The following DOCK9 variants were observed in gnomAD, a reference collection of about 807,000 sequenced individuals.
DOCK9 encodes dedicator of cytokinesis 9, also known as dedicator of cytokinesis protein 9.
Under a neutral mutation model 263.3 loss-of-function variants are expected in DOCK9, and 89 were observed. That is an observed-to-expected ratio of 0.34 (90% confidence interval 0.28 to 0.40). The LOEUF is 0.40. DOCK9 is among the 10% of genes least tolerant of loss of function. The pLI is 1.00. For synonymous variants in DOCK9, 976 were observed against 973.1 expected, an observed-to-expected ratio of 1.00 and a Z score of -0.06; for missense variants, 2,140 against 2,603.4, an observed-to-expected ratio of 0.82 and a Z score of 3.87.
chr13:98,871,488 T>A (rs2094184363), intron 27 of DOCK9, among the ~76,000 whole-genome samples: 1 of 152,070 alleles, frequency 6.6e-6, no homozygotes, highest in Non-Finnish European at 1.5e-5. Flanking sequence ...TTGTTAAGAG[T>A]CCTAATTGTC....
At chr13:98,973,754 C>T (rs150558324) in intron 1 of DOCK9, among the ~76,000 whole-genome samples, 341 of 152,202 alleles carry the variant, frequency 2.2e-3, no homozygotes, top group African/African-American at 7.5e-3. Context: ...CATGCCACCT[C>T]GTCTGGCTAA....
chr13:98,808,605 A>G, intron 47 of DOCK9: 2 of 1,463,704 alleles, frequency 1.4e-6, no homozygotes, highest in Non-Finnish European at 1.9e-6. Flanking sequence ...TAATTTCACT[A>G]TATTACTTGC....
Position 98,902,325 on chromosome 13 carries a change from C to G in DOCK9, c.1343G>C (p.Gly448Ala). 1 of 1,613,950 alleles carries G rather than the reference C, an allele frequency of 6.2e-7. No homozygotes were observed. Among genetic ancestry groups the G allele is most frequent in the Non-Finnish European group, 8.5e-7 (1 of 1,179,888 alleles). ...CTGCATGGCGGCTTCATGAAGGATG[C>G]CCTTGAGGACAGATGGGCTCTGCCC... is the stretch of plus-strand genomic sequence containing the variant. ...GSGQSPSVLK[G>A]ILHEAAMQYP... is the part of the protein sequence containing the mutation. Residue 448 changes from glycine to alanine, a missense_variant, in exon 12 of 53, where the codon GGC (glycine) becomes GCC (alanine). Gly to Ala is a moderately conservative substitution (Grantham distance 60). Coordinates refer to ENST00000682017, the MANE Select transcript of DOCK9 (RefSeq NM_001366683.2).
rs947406336 is a variant in DOCK9, at chr13:98,882,970, T to C, written c.2559+72A>G. Reference sequence around the variant, plus strand: ...AGCTTCCAAGGGGTGAGAACACCACTCACCACCAAAGAGAAAACCCAACCT... The same window carrying C: ...AGCTTCCAAGGGGTGAGAACACCACCCACCACCAAAGAGAAAACCCAACCT... On this transcript the variant is annotated intron_variant, in intron 23 of 52. Coordinates refer to ENST00000682017, the MANE Select transcript of DOCK9 (RefSeq NM_001366683.2). 2.0e-5 allele frequency: 26 copies of C among 1,299,490 alleles called. No homozygotes were observed. The Admixed American group carries it at 3.3e-4, about 16-fold the overall frequency. The allele number at this position is 1,299,490 out of a possible 1,614,324, so 80.5% of individuals were successfully genotyped here.
At chr13:98,801,330 A>C (rs1243910862) in intron 49 of DOCK9, among the ~76,000 whole-genome samples, 2 of 152,186 alleles carry the variant, frequency 1.3e-5, no homozygotes, top group Non-Finnish European at 2.9e-5. Context: ...AACCAAAAAA[A>C]CACAAAGAAT....
At chr13:98,969,171 T>C (rs891865237) in intron 1 of DOCK9, among the ~76,000 whole-genome samples, 1 of 152,178 alleles carries the variant, frequency 6.6e-6, no homozygotes, top group African/African-American at 2.4e-5. Context: ...TCTGATAAAA[T>C]GTTCACCAAC....
At chr13:98,824,886 A>G (rs537392274) in intron 44 of DOCK9, among the ~76,000 whole-genome samples, 1 of 152,230 alleles carries the variant, frequency 6.6e-6, no homozygotes, top group South Asian at 2.1e-4. Context: ...CAAAGCCAAT[A>G]TAAGAGAAAT....
At chr13:99,056,173 T>C (rs867492893) in intron 1 of DOCK9, among the ~76,000 whole-genome samples, 2 of 152,230 alleles carry the variant, frequency 1.3e-5, no homozygotes, top group African/African-American at 4.8e-5. Flanking sequence ...GTGCCAAATG[T>C]TTTGATCATT....
chr13:99,071,054 T>C (rs1234158991), intron 1 of DOCK9, among the ~76,000 whole-genome samples: 1 of 152,204 alleles, frequency 6.6e-6, no homozygotes, highest in Non-Finnish European at 1.5e-5. Flanking sequence ...CCTATAACTT[T>C]TGACTCCCCA....
At chr13:99,008,237 T>A (rs868823241) in intron 1 of DOCK9, among the ~76,000 whole-genome samples, 2,276 of 127,926 alleles carry the variant, frequency 0.018, 35 homozygotes, top group Non-Finnish European at 0.027. Context: ...TATATATATT[T>A]TTTTTTTTTT....
chr13:98,988,380 C>A (rs1390649436), intron 1 of DOCK9, among the ~76,000 whole-genome samples: 1 of 152,200 alleles, frequency 6.6e-6, no homozygotes. Flanking sequence ...AAGTTATTTT[C>A]TTTTGCCTCA....
intron 18 of DOCK9, among the ~76,000 whole-genome samples, chr13:98,887,485 A>G (rs2045945909): frequency 6.6e-6 from 1 of 151,448 alleles, no homozygotes; most frequent in Non-Finnish European, 1.5e-5. Flanking sequence ...GTGTGGTGGC[A>G]GGCTCCTGTA....
At chr13:98,978,228 C>G, upstream of DOCK9, 1 of 699,144 alleles carries the variant, frequency 1.4e-6, no homozygotes, top group East Asian at 3.3e-5. Context: ...GTGTCTGTTC[C>G]ACACAGCGTG....
At chr13:98,929,482 T>C (rs901974252) in intron 3 of DOCK9, among the ~76,000 whole-genome samples, 1 of 152,036 alleles carries the variant, frequency 6.6e-6, no homozygotes, top group African/African-American at 2.4e-5. Context: ...GAGGCAGAGG[T>C]TGCAGTGAGC....
At chr13:98,802,196 G>A (rs913767363) in intron 49 of DOCK9, among the ~76,000 whole-genome samples, 10 of 152,138 alleles carry the variant, frequency 6.6e-5, no homozygotes, top group Non-Finnish European at 1.0e-4. Flanking sequence ...CACAGATCAC[G>A]TTCTACCACG....
chr13:99,049,723 G>A (rs2040600006), intron 1 of DOCK9, among the ~76,000 whole-genome samples: 1 of 152,144 alleles, frequency 6.6e-6, no homozygotes, highest in Non-Finnish European at 1.5e-5. Flanking sequence ...TCACCATGTT[G>A]CCCAGGCTGG....
At chr13:99,078,218 G>A (rs1439780218) in intron 1 of DOCK9, among the ~76,000 whole-genome samples, 2 of 152,122 alleles carry the variant, frequency 1.3e-5, no homozygotes, top group Non-Finnish European at 2.9e-5. Context: ...GGTAGAAGCG[G>A]GGAGAATCAG....
At chr13:98,878,586 G>C (rs1027804547) in intron 27 of DOCK9, among the ~76,000 whole-genome samples, 61 of 152,254 alleles carry the variant, frequency 4.0e-4, no homozygotes, top group African/African-American at 1.4e-3. Flanking sequence ...CTGCCAAGCA[G>C]ACAATCTGCT....
chr13:98,937,095 A>G (rs2054981732), intron 2 of DOCK9, among the ~76,000 whole-genome samples: 2 of 152,222 alleles, frequency 1.3e-5, no homozygotes, highest in South Asian at 4.1e-4. Flanking sequence ...AATGCCCAAC[A>G]TCATTTGAAT....
Sources: allele counts gnomAD v4.1 joint callset (sites outside exome capture counted in the v4.1 genomes callset), GRCh38; gene constraint gnomAD v4.1.1; transcripts MANE v1.5; gene names NCBI Gene and HGNC (gene_info 2026-07-23, HGNC 2026-07-21).